The following STARD9 variants were observed in gnomAD, a reference collection of about 807,000 sequenced individuals.
The protein encoded by STARD9 is StAR related lipid transfer domain containing 9, also known as stAR-related lipid transfer protein 9.
STARD9 carries 346 observed loss-of-function variants against 399.8 expected under a neutral mutation model. That is an observed-to-expected ratio of 0.87 (90% confidence interval 0.79 to 0.95). The LOEUF (loss-of-function observed/expected upper bound fraction) is 0.95, where lower values mean the gene tolerates loss of function less well. Ranked by LOEUF, STARD9 falls within the 40% of genes least tolerant of loss-of-function variation. STARD9 has a pLI of 0.00. For missense variants in STARD9, 5,832 were observed against 5,667.5 expected, an observed-to-expected ratio of 1.03 and a Z score of -0.93; for synonymous variants, 2,203 against 2,143.5, an observed-to-expected ratio of 1.03 and a Z score of -0.77.
chr15:42,663,690 G>C (rs941080367), intron 12 of STARD9, 130 bp from the exon 13 acceptor site: 7 of 776,842 alleles, frequency 9.0e-6, no homozygotes, highest in Non-Finnish European at 1.5e-5. Flanking sequence ...CTCAGAGAAA[G>C]GGCCATGACC....
intron 22 of STARD9, among the ~76,000 whole-genome samples, 195 bp from the exon 23 acceptor site, chr15:42,683,921 T>C (rs1423936262): frequency 1.3e-5 from 2 of 152,220 alleles, no homozygotes; most frequent in African/African-American, 2.4e-5. Flanking sequence ...ATGAAGAAAT[T>C]GAGGAACAGA....
At chr15:42,642,593 A>G (rs2059562694) in intron 7 of STARD9, among the ~76,000 whole-genome samples, 1 of 152,234 alleles carries the variant, frequency 6.6e-6, no homozygotes, top group East Asian at 1.9e-4. Context: ...CCCAACCCCA[A>G]CCATTTAGTT....
rs1193268071 is a variant in STARD9 at position 42,692,632 on chromosome 15, C to T, written c.11054C>T (p.Ser3685Leu). ...TSMHNLSLHLSQLLHSTSELL... is the reference protein window; with the variant it reads ...TSMHNLSLHLLQLLHSTSELL... ...ATGCACAATCTGTCTCTCCACCTCT[C>T]ACAGCTCCTGCACAGTACCTCAGAG... The change falls in exon 23 of 33, where the codon TCA becomes TTA. Residue 3685 changes from serine to leucine, a missense_variant. Physicochemically the swap from Ser to Leu is moderately radical, Grantham distance 145 (BLOSUM62 -2). Around this residue, in one of 2 missense-constraint regions of STARD9, gnomAD observed 5,828 missense variants for 5,651.1 expected, o/e 1.03. Transcript: ENST00000290607. 2.6e-6 allele frequency: 4 copies of T among 1,537,230 alleles called. No individual in the cohort carries two copies. Among genetic ancestry groups the T allele is most frequent in the Admixed American group, 3.9e-5 (2 of 50,992 alleles).
intron 3 of STARD9, among the ~76,000 whole-genome samples, chr15:42,604,757 A>G (rs2058696732): frequency 6.7e-6 from 1 of 148,636 alleles, no homozygotes; most frequent in African/African-American, 2.5e-5. Context: ...AATCCTCCCA[A>G]CTTAGCCTCC....
intron 3 of STARD9, among the ~76,000 whole-genome samples, chr15:42,605,602 T>A (rs1193139184): frequency 6.6e-6 from 1 of 152,212 alleles, no homozygotes; most frequent in Non-Finnish European, 1.5e-5. Flanking sequence ...TTGCTTCTCT[T>A]CCTAGAAGTG....
intron 14 of STARD9, 87 bp downstream of exon 14, chr15:42,665,417 G>T (rs113963501): frequency 1.1e-4 from 119 of 1,039,138 alleles, no homozygotes; most frequent in Non-Finnish European, 1.7e-4. Context: ...GGGCCCTGCT[G>T]CATTCTATGT....
Position 42,686,219 on chromosome 15 carries a change from T to C in STARD9, c.4641T>C (p.Phe1547=), listed in dbSNP as rs183414402. Residue 1547 remains phenylalanine, a synonymous_variant, in exon 23 of 33, where the codon TTT becomes TTC. Coordinates refer to ENST00000290607, the MANE Select transcript of STARD9 (RefSeq NM_020759.3). ...RVSSNLNLNN[F]PVHLSRIRRL... The stretch of plus-strand genomic sequence containing the variant: ...CTAGCAATCTGAATCTCAACAACTT[T>C]CCAGTCCATCTGTCCAGAATCAGGC... 6.3e-4 allele frequency: 962 copies of C among 1,537,642 alleles called. 1 individual carries two copies. Among genetic ancestry groups the C allele is most frequent in the Middle Eastern group, 3.2e-3 (19 of 5,992 alleles).
chr15:42,624,169 C>T (rs2059149573), intron 3 of STARD9, among the ~76,000 whole-genome samples: 2 of 152,114 alleles, frequency 1.3e-5, no homozygotes, highest in South Asian at 2.1e-4. Flanking sequence ...TAAGCTACTG[C>T]CAAGTGGACA....
intron 3 of STARD9, among the ~76,000 whole-genome samples, chr15:42,623,929 A>G (rs912551801): frequency 6.6e-6 from 1 of 152,264 alleles, no homozygotes; most frequent in Non-Finnish European, 1.5e-5. Context: ...CCAGGGCCCA[A>G]ATTATGTCAG....
In STARD9 at chr15:42,689,961, G is replaced by A; in HGVS notation, c.8383G>A (p.Glu2795Lys). ...CAGAACTCTAGACACCACATATGGA[G>A]AAGTTTCAGATAATTTGTTAGTGAC... ...EPRTLDTTYG[E>K]VSDNLLVTAQ... Residue 2795 changes from glutamate (E) to lysine (K), a missense_variant, in exon 23 of 33, where the codon GAA (glutamate) becomes AAA (lysine). Physicochemically the swap from Glu to Lys is moderately conservative, Grantham distance 56 (BLOSUM62 1). Around this residue, in one of 2 missense-constraint regions of STARD9, gnomAD observed 5,828 missense variants for 5,651.1 expected, o/e 1.03. Coordinates refer to ENST00000290607, the MANE Select transcript of STARD9 (RefSeq NM_020759.3). 1 of 1,537,624 alleles carries A rather than the reference G, an allele frequency of 6.5e-7. No homozygotes were observed. Among genetic ancestry groups the A allele is most frequent in the Non-Finnish European group, 8.7e-7 (1 of 1,147,012 alleles).
At chr15:42,587,520 AG>A (rs1179057490) in intron 3 of STARD9, among the ~76,000 whole-genome samples, 2 of 152,222 alleles carry the variant, frequency 1.3e-5, no homozygotes, top group Non-Finnish European at 2.9e-5. Flanking sequence ...ATACGAGGAC[AG>A]GGGCAGGTCT....
intron 26 of STARD9, among the ~76,000 whole-genome samples, chr15:42,713,626 C>G (rs928487269): frequency 2.0e-5 from 3 of 152,130 alleles, no homozygotes; most frequent in Non-Finnish European, 4.4e-5. Context: ...TAGTCAAATA[C>G]TTTTTTCTGG....
chr15:42,651,150 C>A, intron 8 of STARD9, 65 bp downstream of exon 8: 1 of 1,202,392 alleles, frequency 8.3e-7, no homozygotes, highest in Non-Finnish European at 1.2e-6. Flanking sequence ...TTCCCATTTC[C>A]CTTTGGGGAG....
chr15:42,687,879 C>T lies in STARD9; in HGVS notation c.6301C>T (p.Pro2101Ser), dbSNP rs558933387. 59 of 1,537,160 alleles carry T rather than the reference C, an allele frequency of 3.8e-5. No individual in the cohort carries two copies. The East Asian group carries it at 1.4e-3, about 36-fold the overall frequency. The change falls in exon 23 of 33, where the codon CCA becomes TCA. Residue 2101 changes from proline (P) to serine (S), a missense_variant. Physicochemically the swap from Pro to Ser is moderately conservative, Grantham distance 74. Coordinates refer to ENST00000290607, the MANE Select transcript of STARD9 (RefSeq NM_020759.3). ...EQEKTDHAFR[P>S]DSSGNPLPSK... ...GGAGAAGACTGACCATGCCTTTAGG[C>T]CAGACAGCTCTGGAAACCCTTTGCC...
rs1045605696 is a variant in STARD9, at chr15:42,692,105, C to G, written c.10527C>G (p.Ala3509=). ...AGGGGCTGACACTATCAAATGTGGC[C>G]CGGTGCTCCAGCATGGACAATGGCC... The part of the protein sequence containing the change: ...KPQGLTLSNV[A]RCSSMDNGLE... The change falls in exon 23 of 33, where the codon GCC becomes GCG. Residue 3509 remains alanine, a synonymous_variant. Transcript: ENST00000290607. 6.5e-7 allele frequency: 1 copy of G among 1,537,012 alleles called. No individual in the cohort carries two copies. Among genetic ancestry groups the G allele is most frequent in the Non-Finnish European group, 8.7e-7 (1 of 1,146,910 alleles).
chr15:42,595,049 G>A (rs767254684), intron 3 of STARD9, among the ~76,000 whole-genome samples: 1 of 152,204 alleles, frequency 6.6e-6, no homozygotes, highest in African/African-American at 2.4e-5. Flanking sequence ...GAGAGATGGA[G>A]TGTGACCTTC....
Position 42,694,233 on chromosome 15 carries a change from C to T in STARD9, c.12655C>T (p.His4219Tyr). The change falls in exon 23 of 33, where the codon CAT (histidine) becomes TAT (tyrosine). Residue 4219 changes from histidine (H) to tyrosine (Y), a missense_variant. This residue lies in a region of STARD9 where 5,828 missense variants were observed against 5,651.1 expected (regional missense o/e 1.03). Coordinates refer to ENST00000290607, the MANE Select transcript of STARD9 (RefSeq NM_020759.3). ...GGAACTCACAGAAGCGAAACTGCAC[C>T]ATGGCTTTGGGGAGGCCGATGCCCT... is the stretch of plus-strand genomic sequence containing the variant. The part of the protein sequence containing the change: ...SVELTEAKLH[H>Y]GFGEADALLQ... 6.5e-7 allele frequency: 1 copy of T among 1,534,842 alleles called. No homozygotes were observed.
Position 42,690,513 on chromosome 15 carries a change from G to A in STARD9, c.8935G>A (p.Asp2979Asn). 1 of 1,537,178 alleles carries A rather than the reference G, an allele frequency of 6.5e-7. No homozygotes were observed. The highest frequency in any genetic ancestry group is 8.7e-7 in the Non-Finnish European group (1 of 1,146,906). The change falls in exon 23 of 33, where the codon GAT becomes AAT. Residue 2979 changes from aspartate to asparagine, a missense_variant. This residue lies in a region of STARD9 where 5,828 missense variants were observed against 5,651.1 expected (regional missense o/e 1.03). Coordinates refer to ENST00000290607, the MANE Select transcript of STARD9 (RefSeq NM_020759.3). ...SHSSTLLCFR[D>N]GDLGKEPFKA... is the part of the protein sequence containing the mutation. ...TTCCTCTACTTTACTGTGTTTTAGA[G>A]ATGGTGACCTAGGGAAGGAGCCTTT...
rs1595573987 is a variant in STARD9, at chr15:42,581,177, A to G, written c.48-2169A>G. On this transcript the variant is annotated intron_variant, in intron 1 of 32. Transcript: ENST00000290607. ...ACCCCCCAGCTGCATGTTTCCTGTC[A>G]TGATTGTTCAAGTTGTTCAAATTAT... is the stretch of plus-strand genomic sequence containing the variant. The G allele has an allele frequency of 4.3e-5, 33 of 765,106 alleles. No homozygotes were observed. The East Asian group carries it at 8.1e-4, about 19-fold the overall frequency. 47.4% of individuals were successfully genotyped at this position (765,106 alleles called of 1,614,324 possible).
Sources: gnomAD v4.1 joint callset for allele counts (sites outside exome capture counted in the v4.1 genomes callset) on GRCh38, gnomAD v4.1.1 for gene constraint, gnomAD v4.1.1 regional missense constraint, MANE v1.5 for transcripts, NCBI Gene and HGNC (gene_info 2026-07-23, HGNC 2026-07-21) for gene names.